CEP170: variants seen among roughly 807,000 people sequenced by gnomAD.
CEP170 encodes the protein centrosomal protein of 170 kDa.
CEP170 carries 21 observed loss-of-function variants against 151.9 expected under a neutral mutation model. The ratio of observed to expected loss-of-function variants is 0.14; its 90% CI spans 0.10 to 0.20. The LOEUF (loss-of-function observed/expected upper bound fraction) is 0.20. Among genes scored for constraint, CEP170 ranks in the 10% least tolerant of loss-of-function variants. The probability of loss-of-function intolerance (pLI) is 1.00; values close to 1 mark genes in which losing one functional copy is unlikely to be tolerated. For missense variants in CEP170, 964 were observed against 1,892.9 expected (o/e 0.51, Z 9.11); for synonymous variants, 356 against 648.8 (o/e 0.55, Z 6.86).
chr1:243,202,826 A>C (rs1270477181), intron 4 of CEP170, among the ~76,000 whole-genome samples: 2 of 152,158 alleles, frequency 1.3e-5, no homozygotes, highest in Non-Finnish European at 2.9e-5. Flanking sequence ...AAAAATGGAC[A>C]GTCATTACCA....
intron 13 of CEP170, among the ~76,000 whole-genome samples, chr1:243,163,520 A>G (rs1282444040): frequency 1.3e-5 from 2 of 152,238 alleles, no homozygotes; most frequent in Non-Finnish European, 2.9e-5. Flanking sequence ...ATTCTGGTGG[A>G]AAGTAAGTAG....
At chr1:243,175,776 G>C (rs764229100) in intron 10 of CEP170, among the ~76,000 whole-genome samples, 59 of 147,178 alleles carry the variant, frequency 4.0e-4, no homozygotes, top group Non-Finnish European at 7.6e-4. Context: ...CATCCCACCT[G>C]CTGGAAGGCT....
chr1:243,229,912 T>C (rs1409812485), intron 1 of CEP170, among the ~76,000 whole-genome samples: 1 of 152,198 alleles, frequency 6.6e-6, no homozygotes, highest in Non-Finnish European at 1.5e-5. Context: ...AGTGACCACA[T>C]TATAACAAAA....
At chr1:243,156,671 A>C in intron 13 of CEP170, 5 of 436,406 alleles carry the variant, frequency 1.1e-5, no homozygotes, top group South Asian at 5.4e-5. Flanking sequence ...ATCAAAAACA[A>C]TTGGAAGACC....
chr1:243,221,218 G>GT (rs1468411394), intron 3 of CEP170, among the ~76,000 whole-genome samples: 3 of 152,076 alleles, frequency 2.0e-5, no homozygotes, highest in Non-Finnish European at 4.4e-5. Flanking sequence ...TAGAGAGGGG[G>GT]TTCACCGTGT....
At chr1:243,254,304 C>T (rs373190319) in intron 1 of CEP170, 1 of 152,060 alleles carries the variant, frequency 6.6e-6, no homozygotes, top group South Asian at 2.1e-4. Flanking sequence ...TAGGCAGCTG[C>T]AAATGTTATT....
chr1:243,215,928 T>G (rs933182734), intron 3 of CEP170, among the ~76,000 whole-genome samples: 1 of 152,006 alleles, frequency 6.6e-6, no homozygotes, highest in Admixed American at 6.6e-5. Context: ...CCTTTATTTC[T>G]CAGACCAGCT....
At chr1:243,150,996 C>A (rs1385872977) in intron 14 of CEP170, among the ~76,000 whole-genome samples, 1 of 152,150 alleles carries the variant, frequency 6.6e-6, no homozygotes, top group Admixed American at 6.5e-5. Flanking sequence ...CATTCAGCTA[C>A]ACCACATCCC....
chr1:243,127,756 T>C (rs2053876988), intron 19 of CEP170, among the ~76,000 whole-genome samples: 1 of 152,268 alleles, frequency 6.6e-6, no homozygotes. Context: ...CTGACAAGTT[T>C]AGAGGGCAGC....
chr1:243,198,972 C>T, intron 7 of CEP170, 88 bp downstream of exon 7: 1 of 843,692 alleles, frequency 1.2e-6, no homozygotes, highest in Admixed American at 2.5e-5. Context: ...ACTAGATCAT[C>T]TCTTTTCATG....
At chr1:243,128,225 T>C (rs1328937175) in intron 19 of CEP170, 24 bp downstream of exon 19, 2 of 1,562,296 alleles carry the variant, frequency 1.3e-6, no homozygotes, top group African/African-American at 2.8e-5. Flanking sequence ...TAGCTCTTTA[T>C]ACTTAATTCA....
chr1:243,196,006 C>T (rs1436170717), intron 7 of CEP170, among the ~76,000 whole-genome samples: 2 of 152,002 alleles, frequency 1.3e-5, no homozygotes, highest in African/African-American at 2.4e-5. Flanking sequence ...GATCATGAGA[C>T]GGCTTTTGGT....
At chr1:243,175,474 C>T (rs2059164572) in intron 10 of CEP170, among the ~76,000 whole-genome samples, 1 of 152,208 alleles carries the variant, frequency 6.6e-6, no homozygotes, top group Non-Finnish European at 1.5e-5. Context: ...CTATGCGTTT[C>T]TGCCTCTAAG....
intron 1 of CEP170, among the ~76,000 whole-genome samples, chr1:243,240,924 C>T (rs1280520722): frequency 3.3e-5 from 5 of 152,150 alleles, no homozygotes; most frequent in African/African-American, 1.2e-4. Context: ...AACTCTTAAC[C>T]TCAGATGATC....
intron 3 of CEP170, among the ~76,000 whole-genome samples, chr1:243,217,823 T>C (rs1215415871): frequency 6.6e-6 from 1 of 152,140 alleles, no homozygotes; most frequent in African/African-American, 2.4e-5. Context: ...GTGAGGAAAA[T>C]GAGGCAAAGA....
At chr1:243,197,747 C>T (rs1160489249) in intron 7 of CEP170, among the ~76,000 whole-genome samples, 1 of 151,970 alleles carries the variant, frequency 6.6e-6, no homozygotes, top group Non-Finnish European at 1.5e-5. Flanking sequence ...GTAAACAACC[C>T]TCATGGGGTT....
chr1:243,137,048 G>A (rs1424882123), intron 16 of CEP170, among the ~76,000 whole-genome samples: 7 of 152,182 alleles, frequency 4.6e-5, no homozygotes, highest in Non-Finnish European at 1.0e-4. Flanking sequence ...AGGGACATAG[G>A]GTCTCTGCCA....
chr1:243,254,820 C>A, intron 1 of CEP170, among the ~76,000 whole-genome samples: 1 of 151,332 alleles, frequency 6.6e-6, no homozygotes, highest in South Asian at 2.1e-4. Flanking sequence ...GAAGGGTGGT[C>A]CCGTCAAGCC....
chr1:243,168,078 T>G (rs2058569753), intron 12 of CEP170, among the ~76,000 whole-genome samples: 1 of 152,006 alleles, frequency 6.6e-6, no homozygotes, highest in Non-Finnish European at 1.5e-5. Context: ...TAACGGATTC[T>G]TTGGTAAAGT....
Sources: allele counts gnomAD v4.1 joint callset (sites outside exome capture counted in the v4.1 genomes callset), GRCh38; gene constraint gnomAD v4.1.1; transcripts MANE v1.5; gene names NCBI Gene and HGNC (gene_info 2026-07-23, HGNC 2026-07-21).